Variants in BDH1 observed in about 807,000 individuals in gnomAD.
The protein encoded by BDH1 is 3-hydroxybutyrate dehydrogenase 1.
Under a neutral mutation model 33.1 loss-of-function variants are expected in BDH1, and 30 were observed. The observed-to-expected ratio is 0.91, with a 90% CI of 0.68 to 1.23. The LOEUF is 1.23. Ranked by LOEUF, BDH1 falls within the 50% of genes most tolerant of loss-of-function variation. The probability of loss-of-function intolerance (pLI) is 0.00; values close to 1 mark genes in which losing one functional copy is unlikely to be tolerated. For missense variants in BDH1, 443 were observed against 464.4 expected (o/e 0.95, Z 0.42); for synonymous variants, 190 against 183.6 (o/e 1.03, Z -0.28).
rs35089738 is a variant in BDH1 at position 197,514,415 on chromosome 3, G to C, written c.411C>G (p.Gly137=). 0.068 allele frequency: 108,911 copies of C among 1,603,446 alleles called. 4,235 individuals carry two copies. Among genetic ancestry groups the C allele is most frequent in the African/African-American group, 0.15 (11,054 of 74,776 alleles). ...CGGCATTGTTAACGAGGCCCCACAT[G>C]CCTGGACAGGAGAGGGATAGATGTG... ...VRSSLKDPEK[G]MWGLVNNAGI... The change falls in exon 7 of 8, where the codon GGC becomes GGG. Residue 137 remains glycine (G), a splice_region_variant and synonymous_variant. Coordinates refer to ENST00000392379, the MANE Select transcript of BDH1 (RefSeq NM_203314.3). This position sits in a 1 kb window ranked among gnomAD's most constrained non-coding sequence, Gnocchi z 4.2.
Position 197,514,439 on chromosome 3 carries a change from T to C in BDH1, c.410-23A>G, listed in dbSNP as rs756964672. Reference sequence around the variant, plus strand: ...TGCCTGGACAGGAGAGGGATAGATGTGCATTTACCACATGGGCTTGGCCCA... The same window carrying C: ...TGCCTGGACAGGAGAGGGATAGATGCGCATTTACCACATGGGCTTGGCCCA... On this transcript the variant is annotated intron_variant, in intron 6 of 7. Transcript: ENST00000392379. The surrounding 1 kb of genome is among the most constrained non-coding windows in gnomAD (Gnocchi z 4.2). The C allele has an allele frequency of 3.8e-6, 6 of 1,566,608 alleles. No homozygotes were observed. Among genetic ancestry groups the C allele is most frequent in the Non-Finnish European group, 5.2e-6 (6 of 1,152,844 alleles).
intron 7 of BDH1, among the ~76,000 whole-genome samples, chr3:197,513,565 G>C (rs1712347019): frequency 6.6e-6 from 1 of 152,232 alleles, no homozygotes; most frequent in Non-Finnish European, 1.5e-5. Context: ...AGGGAACTCA[G>C]CCCATCCTGG....
intron 3 of BDH1, among the ~76,000 whole-genome samples, chr3:197,540,850 A>G (rs898893289): frequency 1.3e-5 from 2 of 152,046 alleles, no homozygotes; most frequent in Admixed American, 1.3e-4. Context: ...TCAATGGCGC[A>G]TTTCTACTCT....
chr3:197,570,916 T>C (rs1293177878), intron 1 of BDH1, among the ~76,000 whole-genome samples: 1 of 152,186 alleles, frequency 6.6e-6, no homozygotes, highest in Non-Finnish European at 1.5e-5. Flanking sequence ...CACTGACAGC[T>C]TGCACCATGT....
intron 1 of BDH1, among the ~76,000 whole-genome samples, chr3:197,570,106 G>GC (rs1450973357): frequency 6.6e-6 from 1 of 152,190 alleles, no homozygotes; most frequent in Non-Finnish European, 1.5e-5. Context: ...GGTGACTCTT[G>GC]TTATGTTTTA....
Position 197,514,251 on chromosome 3 carries a change from C to G in BDH1, c.562+13G>C. 1 of 1,606,780 alleles carries G rather than the reference C, an allele frequency of 6.2e-7. No homozygotes were observed. Among genetic ancestry groups the G allele is most frequent in the Non-Finnish European group, 8.5e-7 (1 of 1,175,202 alleles). Reference sequence around the variant, plus strand: ...AGGTTCAGGGGCAGGAGGGAGCTCCCTTTCCCACTCACCTTTGGCCCTTCG... The same window carrying G: ...AGGTTCAGGGGCAGGAGGGAGCTCCGTTTCCCACTCACCTTTGGCCCTTCG... On this transcript the variant is annotated intron_variant, in intron 7 of 7. Coordinates refer to ENST00000392379, the MANE Select transcript of BDH1 (RefSeq NM_203314.3). The surrounding 1 kb of genome is among the most constrained non-coding windows in gnomAD (Gnocchi z 4.2).
At chr3:197,533,239 CT>C (rs1714849808) in intron 4 of BDH1, among the ~76,000 whole-genome samples, 2 of 150,906 alleles carry the variant, frequency 1.3e-5, no homozygotes, top group African/African-American at 2.5e-5. Flanking sequence ...CGCCCCCCAC[CT>C]AGGCCTCCAG....
At chr3:197,566,374 T>A (rs949919415) in intron 1 of BDH1, among the ~76,000 whole-genome samples, 1 of 152,224 alleles carries the variant, frequency 6.6e-6, no homozygotes, top group African/African-American at 2.4e-5. Context: ...TGATGTGTCA[T>A]AAGTAAAGAA....
intron 1 of BDH1, among the ~76,000 whole-genome samples, chr3:197,572,493 T>C (rs888591678): frequency 6.6e-6 from 1 of 152,232 alleles, no homozygotes; most frequent in Non-Finnish European, 1.5e-5. Context: ...GACCTCCCTG[T>C]ACCCAGTTAC....
intron 3 of BDH1, chr3:197,543,248 G>A (rs1301175783): frequency 1.1e-6 from 1 of 928,464 alleles, no homozygotes; most frequent in Non-Finnish European, 1.3e-6. Context: ...CAGCATCTGT[G>A]AAAAAAATTT....
intron 1 of BDH1, among the ~76,000 whole-genome samples, chr3:197,569,073 G>A (rs1172854536): frequency 6.6e-6 from 1 of 152,148 alleles, no homozygotes. Context: ...ACAGTTAGCA[G>A]GTTCAAATAA....
chr3:197,550,671 CCA>C (rs906221022), intron 2 of BDH1, among the ~76,000 whole-genome samples: 1 of 152,020 alleles, frequency 6.6e-6, no homozygotes, highest in African/African-American at 2.4e-5. Context: ...GGCCCTGAAG[CCA>C]CAGAGAGAGG....
chr3:197,515,690 C>T, intron 6 of BDH1: 1 of 984,644 alleles, frequency 1.0e-6, no homozygotes, highest in African/African-American at 1.8e-5. Flanking sequence ...CCTTCTGTAA[C>T]TGTGCTACCT....
chr3:197,559,776 G>A (rs1317326664), upstream of BDH1, among the ~76,000 whole-genome samples: 2 of 152,236 alleles, frequency 1.3e-5, no homozygotes, highest in Non-Finnish European at 2.9e-5. Flanking sequence ...GGCCAACTGA[G>A]GAGTTGGGAC....
In BDH1 at chr3:197,511,722, A is replaced by C. The variant is rs1282421254; in HGVS notation, c.*173T>G. On this transcript the variant is annotated 3_prime_UTR_variant, in exon 8 of 8. Transcript: ENST00000392379. ...CTCCACACCCTGTTTGTGAAGGCCC[A>C]AGTCACTCACTATGCAAAGAAGTCA... 1.6e-6 allele frequency: 1 copy of C among 632,398 alleles called. No individual in the cohort carries two copies. The highest frequency in any genetic ancestry group is 2.6e-6 in the Non-Finnish European group (1 of 385,282). 39.2% of individuals were successfully genotyped at this position (632,398 alleles called of 1,614,324 possible).
chr3:197,546,311 C>A (rs1468622126), intron 3 of BDH1, 50 bp downstream of exon 3: 3 of 1,583,234 alleles, frequency 1.9e-6, no homozygotes, highest in Non-Finnish European at 2.6e-6. Context: ...AAAACCTCTG[C>A]CTGCTCAGAA....
At chr3:197,547,270 T>TG in intron 2 of BDH1, among the ~76,000 whole-genome samples, 1 of 152,364 alleles carries the variant, frequency 6.6e-6, no homozygotes, top group South Asian at 2.1e-4. Context: ...CTGTTAATAG[T>TG]GATTCCTCCA....
chr3:197,549,987 T>TATATATATATATATATATATATATA (rs1407118020), intron 2 of BDH1, among the ~76,000 whole-genome samples: 143 of 121,092 alleles, frequency 1.2e-3, no homozygotes, highest in African/African-American at 5.2e-3. Context: ...ATATATATAT[T>TATATATATATATATATATATATATA]TGGCCATTCC....
Position 197,514,293 on chromosome 3 carries a change from G to A in BDH1, c.533C>T (p.Ser178Phe). 3.7e-6 allele frequency: 6 copies of A among 1,613,740 alleles called. No individual in the cohort carries two copies. Among genetic ancestry groups the A allele is most frequent in the Non-Finnish European group, 5.1e-6 (6 of 1,179,770 alleles). Residue 178 changes from serine (S) to phenylalanine (F), a missense_variant, in exon 7 of 8, where the codon TCC becomes TTC. Ser to Phe is a radical substitution (Grantham distance 155, BLOSUM62 -2). Transcript: ENST00000392379. This position sits in a 1 kb window ranked among gnomAD's most constrained non-coding sequence, Gnocchi z 4.2. ...GGCCCTTCGGATGAGGGGGAGAAAG[G>A]ATTTCGTCATCCGCACTGTGCCCCA... is the stretch of plus-strand genomic sequence containing the variant. ...NLWGTVRMTK[S>F]FLPLIRRAKG...
Sources: allele counts gnomAD v4.1 joint callset (sites outside exome capture counted in the v4.1 genomes callset), GRCh38; gene constraint gnomAD v4.1.1; non-coding constraint Gnocchi (gnomAD v3.1); transcripts MANE v1.5; gene names NCBI Gene and HGNC (gene_info 2026-07-23, HGNC 2026-07-21).